Variants in ESRRB observed in about 807,000 individuals in gnomAD.
ESRRB encodes the protein estrogen related receptor beta, also known as steroid hormone receptor ERR2.
ESRRB carries 16 observed loss-of-function variants against 46.0 expected under a neutral mutation model. The observed-to-expected ratio is 0.35, with a 90% CI of 0.24 to 0.53. The LOEUF (loss-of-function observed/expected upper bound fraction) is 0.53, where lower values mean the gene tolerates loss of function less well. ESRRB is among the 20% of genes least tolerant of loss of function. ESRRB has a pLI of 0.93. For synonymous variants in ESRRB, 246 were observed against 259.6 expected (o/e 0.95, Z 0.50); for missense variants, 488 against 607.4 (o/e 0.80, Z 2.07).
chr14:76,492,392 C>G (rs1387880072), intron 6 of ESRRB, among the ~76,000 whole-genome samples: 1 of 152,098 alleles, frequency 6.6e-6, no homozygotes, highest in South Asian at 2.1e-4. Context: ...GTCCCAAACT[C>G]CTGGGCTCAA....
chr14:76,332,011 GT>G (rs1436664795), intron 1 of ESRRB, among the ~76,000 whole-genome samples: 1 of 151,888 alleles, frequency 6.6e-6, no homozygotes, highest in East Asian at 1.9e-4. Flanking sequence ...CCAGCTTTCT[GT>G]CCCCTCCCCA....
chr14:76,383,577 T>TC (rs1885101953), intron 1 of ESRRB, among the ~76,000 whole-genome samples: 1 of 152,216 alleles, frequency 6.6e-6, no homozygotes, highest in South Asian at 2.1e-4. Flanking sequence ...CTTCATTTTT[T>TC]CCCCTCTATT....
chr14:76,483,946 C>G (rs990029365), intron 5 of ESRRB, among the ~76,000 whole-genome samples: 3 of 152,184 alleles, frequency 2.0e-5, no homozygotes, highest in Admixed American at 1.3e-4. Flanking sequence ...CTTCGCCCCC[C>G]AGGTTCAAGT....
At chr14:76,392,934 G>T (rs1885525904) in intron 1 of ESRRB, among the ~76,000 whole-genome samples, 1 of 152,206 alleles carries the variant, frequency 6.6e-6, no homozygotes, top group African/African-American at 2.4e-5. Context: ...ACTTGGGGGT[G>T]GTCCACATGT....
At chr14:76,484,749 G>A (rs1889938775) in intron 5 of ESRRB, among the ~76,000 whole-genome samples, 1 of 152,226 alleles carries the variant, frequency 6.6e-6, no homozygotes, top group Non-Finnish European at 1.5e-5. Flanking sequence ...CTAGAGCAGA[G>A]TGAGTGCTAA....
chr14:76,332,661 ATT>A (rs1884036304), intron 1 of ESRRB, among the ~76,000 whole-genome samples: 1 of 36,440 alleles, frequency 2.7e-5, no homozygotes, highest in Non-Finnish European at 4.2e-5. Context: ...ATAAATATAT[ATT>A]ATATATATTT....
chr14:76,349,253 T>C (rs1423918225), intron 1 of ESRRB, among the ~76,000 whole-genome samples: 1 of 152,182 alleles, frequency 6.6e-6, no homozygotes, highest in Non-Finnish European at 1.5e-5. Flanking sequence ...GCCCAGTGCA[T>C]GCCAGGGCTC....
At chr14:76,332,452 C>A (rs1331670229) in intron 1 of ESRRB, among the ~76,000 whole-genome samples, 4 of 113,736 alleles carry the variant, frequency 3.5e-5, no homozygotes, top group East Asian at 4.5e-4. Context: ...GGTGCACCAC[C>A]ATATATATAT....
In ESRRB at chr14:76,344,285, T is replaced by C. The variant is rs564861520; in HGVS notation, c.2+33369T>C. Among the ~76,000 whole-genome samples, 9 of 152,362 alleles carry C rather than the reference T, an allele frequency of 5.9e-5. No homozygotes were observed. The East Asian group carries it at 1.7e-3, about 29-fold the overall frequency. ...TATTTATTTTTAATTATTTTATTTT[T>C]CCACAAGTTACGGGGGTACAGGTGG... On this transcript the variant is annotated intron_variant, in intron 1 of 6. Coordinates refer to the ESRRB transcript ENST00000512784.
intron 2 of ESRRB, among the ~76,000 whole-genome samples, chr14:76,458,277 A>T (rs1446210739): frequency 1.3e-5 from 2 of 152,144 alleles, no homozygotes; most frequent in Non-Finnish European, 2.9e-5. Context: ...AGGAATTCTG[A>T]TGAATTAATC....
chr14:76,462,889 G>C (rs1421051314), intron 3 of ESRRB, among the ~76,000 whole-genome samples: 2 of 152,130 alleles, frequency 1.3e-5, no homozygotes, highest in South Asian at 2.1e-4. Flanking sequence ...CCGAACCCCT[G>C]ACCCCACTTG....
intron 1 of ESRRB, among the ~76,000 whole-genome samples, chr14:76,416,716 G>A (rs1018388840): frequency 6.6e-6 from 1 of 152,042 alleles, no homozygotes; most frequent in Admixed American, 6.6e-5. Flanking sequence ...TGATCCACCC[G>A]CCTCGGCCTC....
intron 1 of ESRRB, among the ~76,000 whole-genome samples, chr14:76,322,872 G>A (rs972468563): frequency 6.6e-5 from 10 of 152,180 alleles, no homozygotes; most frequent in African/African-American, 2.4e-4. Context: ...ACATTGCTGA[G>A]GAGAGTTATA....
chr14:76,435,437 G>A (rs970275361), intron 1 of ESRRB, among the ~76,000 whole-genome samples: 3 of 152,206 alleles, frequency 2.0e-5, no homozygotes, highest in Admixed American at 1.3e-4. Flanking sequence ...TGTGCCTGTC[G>A]TGTTCCCATT....
chr14:76,498,428 C>G lies in ESRRB; in HGVS notation c.1335C>G (p.Leu445=). The G allele has an allele frequency of 6.2e-7, 1 of 1,613,526 alleles. No individual in the cohort carries two copies. The highest frequency in any genetic ancestry group is 8.5e-7 in the Non-Finnish European group (1 of 1,180,026). ...KLQGKVPMHK[L]FLEMLEAKV is the part of the protein sequence containing the mutation. ...AGGGCAAAGTGCCCATGCACAAACT[C>G]TTCCTGGAGATGCTGGAGGCCAAGG... Residue 445 remains leucine, a synonymous_variant, in exon 7 of 7, where the codon CTC becomes CTG. Coordinates refer to ENST00000644823, the MANE Select transcript of ESRRB (RefSeq NM_001379180.1).
At chr14:76,392,151 T>C (rs1047582336) in intron 1 of ESRRB, among the ~76,000 whole-genome samples, 1 of 152,158 alleles carries the variant, frequency 6.6e-6, no homozygotes, top group African/African-American at 2.4e-5. Context: ...CTCCAGGCGC[T>C]GCCCTGGCTG....
At chr14:76,407,623 G>C (rs45533334) in intron 1 of ESRRB, 35,566 of 983,710 alleles carry the variant, frequency 0.036, 1,183 homozygotes, top group East Asian at 0.27. Context: ...CGGGCCAGCA[G>C]GGCCACATGG....
At chr14:76,490,079 G>A (rs1050432969) in intron 5 of ESRRB, among the ~76,000 whole-genome samples, 1 of 152,214 alleles carries the variant, frequency 6.6e-6, no homozygotes, top group Non-Finnish European at 1.5e-5. Flanking sequence ...GTCAGCAAAT[G>A]AAGTAGAAAG....
chr14:76,493,788 G>T (rs1330946185), intron 6 of ESRRB, among the ~76,000 whole-genome samples: 1 of 152,202 alleles, frequency 6.6e-6, no homozygotes, highest in East Asian at 1.9e-4. Context: ...GACCCACTTG[G>T]ATCCCTTTTA....
Sources: allele counts gnomAD v4.1 joint callset (sites outside exome capture counted in the v4.1 genomes callset), GRCh38; gene constraint gnomAD v4.1.1; transcripts MANE v1.5; gene names NCBI Gene and HGNC (gene_info 2026-07-23, HGNC 2026-07-21).